Variants in ASMT observed in about 807,000 individuals in gnomAD.
ASMT encodes acetylserotonin N-methyltransferase.
ASMT carries 53 observed loss-of-function variants against 41.3 expected under a neutral mutation model. The observed-to-expected ratio is 1.28, with a 90% CI of 1.03 to 1.61. The LOEUF is 1.61. Among genes scored for constraint, ASMT ranks in the 40% most tolerant of loss-of-function variants. The pLI is 0.00. For synonymous variants in ASMT, 231 were observed against 184.8 expected (o/e 1.25, Z -2.03); for missense variants, 531 against 441.3 (o/e 1.20, Z -1.82).
At chrX:1,630,576 G>C (rs1273987715) in intron 5 of ASMT, among the ~76,000 whole-genome samples, 1 of 151,758 alleles carries the variant, frequency 6.6e-6, no homozygotes, top group Non-Finnish European at 1.5e-5. Flanking sequence ...TTTAGTTTTT[G>C]AGAGAGGGTC....
In ASMT at chrX:1,624,661, C is replaced by G. The variant is rs111286854; in HGVS notation, c.374+263C>G. Among the ~76,000 whole-genome samples the G allele has an allele frequency of 9.9e-4, 98 of 99,032 alleles. 2 individuals carry two copies. Among genetic ancestry groups the G allele is most frequent in the African/African-American group, 4.4e-3 (89 of 20,440 alleles). 65.0% of individuals were successfully genotyped at this position (99,032 alleles called of 152,430 possible). The stretch of plus-strand genomic sequence containing the variant: ...GATGCTGGGAGGTGGGGGCTGCCCC[C>G]AGGCAGATGCTGGGAGGTGGTGGCT... On this transcript the variant is annotated intron_variant, in intron 3 of 8. Coordinates refer to ENST00000381241, the MANE Select transcript of ASMT (RefSeq NM_001171038.2).
intron 7 of ASMT, 59 bp from the exon 8 acceptor site, chrX:1,636,379 G>C: frequency 6.2e-7 from 1 of 1,613,832 alleles, no homozygotes; most frequent in Non-Finnish European, 8.5e-7. Flanking sequence ...CCCAGAATAG[G>C]TTTAGTCAAA....
Position 1,629,878 on chromosome X carries a change from C to T in ASMT, c.501C>T (p.Asn167=), listed in dbSNP as rs780465914. 1.4e-5 allele frequency: 23 copies of T among 1,613,862 alleles called. No homozygotes were observed. Among genetic ancestry groups the T allele is most frequent in the Admixed American group, 8.3e-5 (5 of 59,972 alleles). Residue 167 remains asparagine, a synonymous_variant, in exon 5 of 9, where the codon AAC becomes AAT. Coordinates refer to ENST00000381241, the MANE Select transcript of ASMT (RefSeq NM_001171038.2). ...CTCTGCAGGAGGTCTGGAGCGTCAACGGGAGAAGCGTGCTGACCGCCTTTG... is the reference window on the plus strand; with the variant it reads ...CTCTGCAGGAGGTCTGGAGCGTCAATGGGAGAAGCGTGCTGACCGCCTTTG... ...MQALQEVWSV[N]GRSVLTAFDL... is the part of the protein sequence containing the mutation.
intron 7 of ASMT, among the ~76,000 whole-genome samples, chrX:1,635,963 C>CTTTT (rs756873361): frequency 0.074 from 10,468 of 141,784 alleles, 453 homozygotes; most frequent in Middle Eastern, 0.099. Context: ...TATTTTCTTT[C>CTTTT]TTTTTTTTTT....
At chrX:1,627,674 G>T (rs1222555883) in intron 3 of ASMT, 29 bp from the exon 4 acceptor site, 2 of 1,417,836 alleles carry the variant, frequency 1.4e-6, no homozygotes, top group Non-Finnish European at 2.0e-6. Context: ...GAAATGAAAT[G>T]AAAATCAGCC....
In ASMT at chrX:1,642,982, G is replaced by A. The variant is rs1935247824; in HGVS notation, c.1090G>A (p.Ala364Thr). ...AGACTTCCAGTTTAAGAAAACAGGA[G>A]CCATTTATGATGCCATTTTAGCCAG... Reference protein sequence around the residue: ...FRDFQFKKTGAIYDAILARK With the variant: ...FRDFQFKKTGTIYDAILARK The change falls in exon 9 of 9, where the codon GCC becomes ACC. Residue 364 changes from alanine (A) to threonine (T), a missense_variant. Physicochemically the swap from Ala to Thr is moderately conservative, Grantham distance 58. Coordinates refer to ENST00000381241, the MANE Select transcript of ASMT (RefSeq NM_001171038.2). 21 of 1,613,840 alleles carry A rather than the reference G, an allele frequency of 1.3e-5. No homozygotes were observed. The highest frequency in any genetic ancestry group is 2.7e-5 in the African/African-American group (2 of 74,906).
In ASMT at chrX:1,628,744, G is replaced by A. The variant is rs1261644908; in HGVS notation, c.443+973G>A. Among the ~76,000 whole-genome samples the A allele has an allele frequency of 5.4e-4, 77 of 143,024 alleles. 1 individual carries two copies. Among genetic ancestry groups the A allele is most frequent in the Non-Finnish European group, 7.8e-4 (52 of 66,254 alleles). 93.8% of individuals were successfully genotyped at this position (143,024 alleles called of 152,430 possible). ...TCCTCTCTCCCATCTTCCCTCTCTTGTCTCCTCTCTCTTCTTCCCTCTCTC... is the reference window on the plus strand; with the variant it reads ...TCCTCTCTCCCATCTTCCCTCTCTTATCTCCTCTCTCTTCTTCCCTCTCTC... On this transcript the variant is annotated intron_variant, in intron 4 of 8. Coordinates refer to ENST00000381241, the MANE Select transcript of ASMT (RefSeq NM_001171038.2).
intron 4 of ASMT, among the ~76,000 whole-genome samples, chrX:1,628,293 C>T (rs757670719): frequency 2.6e-5 from 4 of 152,298 alleles, no homozygotes; most frequent in African/African-American, 4.8e-5. Context: ...TGCACTCCAG[C>T]CTGGGCAACA....
At chrX:1,621,918 C>T (rs1218185923) in intron 1 of ASMT, among the ~76,000 whole-genome samples, 2 of 151,910 alleles carry the variant, frequency 1.3e-5, no homozygotes, top group Non-Finnish European at 2.9e-5. Context: ...TGGTCACGAA[C>T]TCACAACCTC....
intron 4 of ASMT, among the ~76,000 whole-genome samples, chrX:1,628,802 CT>C (rs1321061314): frequency 3.3e-5 from 4 of 122,120 alleles, no homozygotes; most frequent in African/African-American, 1.3e-4. Flanking sequence ...CTCCCTTCAC[CT>C]GCCTCTCTCC....
At chrX:1,618,456 C>T (rs1365773765) in intron 1 of ASMT, among the ~76,000 whole-genome samples, 2 of 149,366 alleles carry the variant, frequency 1.3e-5, no homozygotes, top group African/African-American at 4.9e-5. Context: ...GAGCTACTGC[C>T]TCTGGCTAAT....
chrX:1,632,804 G>A lies in ASMT; in HGVS notation c.646+17G>A, dbSNP rs1212511221. On this transcript the variant is annotated intron_variant, in intron 6 of 8. Coordinates refer to ENST00000381241, the MANE Select transcript of ASMT (RefSeq NM_001171038.2). ...CACTCATAGGTGGGAACTGAACAATGAGACCACATGGACACAGGGAGGGGA... is the reference window on the plus strand; with the variant it reads ...CACTCATAGGTGGGAACTGAACAATAAGACCACATGGACACAGGGAGGGGA... The A allele has an allele frequency of 5.6e-5, 25 of 445,412 alleles. No individual in the cohort carries two copies. Among genetic ancestry groups the A allele is most frequent in the Non-Finnish European group, 8.7e-5 (21 of 240,000 alleles). The allele number at this position is 445,412 out of a possible 1,614,324, so 27.6% of individuals were successfully genotyped here.
intron 4 of ASMT, 148 bp from the exon 5 acceptor site, chrX:1,629,673 A>G (rs1193655741): frequency 6.1e-6 from 5 of 816,678 alleles, no homozygotes; most frequent in Non-Finnish European, 1.1e-5. Context: ...CCCATCCCGA[A>G]TGACTTCCTG....
At chrX:1,630,871 T>TTTTTTTTA (rs1934747295) in intron 5 of ASMT, among the ~76,000 whole-genome samples, 1 of 139,882 alleles carries the variant, frequency 7.1e-6, no homozygotes, top group South Asian at 2.3e-4. Flanking sequence ...GCTGAGCTTG[T>TTTTTTTTA]TTTATTTATT....
intron 5 of ASMT, among the ~76,000 whole-genome samples, chrX:1,630,939 C>G (rs1394910015): frequency 2.8e-5 from 4 of 142,792 alleles, no homozygotes; most frequent in African/African-American, 7.9e-5. Context: ...GAGATGGAGT[C>G]TTGCTCTGTC....
chrX:1,633,880 C>T (rs765311706), intron 7 of ASMT, among the ~76,000 whole-genome samples: 21 of 152,236 alleles, frequency 1.4e-4, no homozygotes, highest in East Asian at 1.2e-3. Flanking sequence ...CCGCGTGATC[C>T]GCCCACCTTG....
intron 7 of ASMT, 129 bp downstream of exon 7, chrX:1,633,419 ACTGT>A (rs1392420686): frequency 9.5e-6 from 10 of 1,055,424 alleles, no homozygotes; most frequent in Admixed American, 7.0e-5. Flanking sequence ...TCAACTCAAC[ACTGT>A]CTGTTATTCA....
chrX:1,634,523 G>A (rs1406652494), intron 7 of ASMT, among the ~76,000 whole-genome samples: 11 of 152,164 alleles, frequency 7.2e-5, no homozygotes, highest in African/African-American at 2.7e-4. Flanking sequence ...TATCCTGGGT[G>A]GCCCAGAGAC....
intron 7 of ASMT, 78 bp from the exon 8 acceptor site, chrX:1,636,360 C>A (rs752743253): frequency 6.8e-6 from 11 of 1,609,430 alleles, no homozygotes; most frequent in South Asian, 6.6e-5. Flanking sequence ...ATCCAGGTGA[C>A]CTTTTGTGCC....
Sources: allele counts gnomAD v4.1 joint callset (sites outside exome capture counted in the v4.1 genomes callset), GRCh38; gene constraint gnomAD v4.1.1; transcripts MANE v1.5; gene names NCBI Gene and HGNC (gene_info 2026-07-23, HGNC 2026-07-21).